Variants in NEGR1 observed in about 807,000 individuals in gnomAD.
NEGR1 encodes the protein IgLON family member 4.
A neutral mutation model predicts 40.9 loss-of-function variants in NEGR1; 10 were observed. That is an observed-to-expected ratio of 0.24 (90% CI 0.15 to 0.42). The LOEUF is 0.42. NEGR1 is among the 10% of genes least tolerant of loss of function. The pLI is 1.00. For synonymous variants in NEGR1, 185 were observed against 166.8 expected (o/e 1.11, Z -0.84); for missense variants, 352 against 438.9 (o/e 0.80, Z 1.77).
intron 4 of NEGR1, among the ~76,000 whole-genome samples, chr1:71,689,815 A>C (rs181517457): frequency 1.3e-5 from 2 of 151,112 alleles, no homozygotes; most frequent in Admixed American, 1.3e-4. Flanking sequence ...ATTTAATATA[A>C]TAAATATAAT....
chr1:71,962,003 G>T (rs1646169332), intron 1 of NEGR1, among the ~76,000 whole-genome samples: 1 of 152,114 alleles, frequency 6.6e-6, no homozygotes, highest in African/African-American at 2.4e-5. Context: ...AGTGGTATTT[G>T]TATTATTCTT....
chr1:72,093,341 A>AAAAAAAAAAAAAAAAG lies in NEGR1; in HGVS notation c.177-158031_177-158030insCTTTTTTTTTTTTTTT, dbSNP rs1179635064. On this transcript the variant is annotated intron_variant, in intron 1 of 6. Coordinates refer to ENST00000357731, the MANE Select transcript of NEGR1 (RefSeq NM_173808.3). ...CTAGACTCTGCCTCAAAAAAAAAAA[A>AAAAAAAAAAAAAAAAG]AAGATGCTCAAATGTTAGAATAAAC... Among the ~76,000 whole-genome samples, 271 of 151,432 alleles carry AAAAAAAAAAAAAAAAG rather than the reference A, an allele frequency of 1.8e-3. 1 individual carries two copies. The highest frequency in any genetic ancestry group is 6.4e-3 in the African/African-American group (262 of 40,912).
intron 6 of NEGR1, among the ~76,000 whole-genome samples, chr1:71,448,422 A>AAC: frequency 6.6e-6 from 1 of 152,082 alleles, no homozygotes; most frequent in Non-Finnish European, 1.5e-5. Flanking sequence ...AAGATGGCAA[A>AAC]ACCGCATCTC....
intron 2 of NEGR1, among the ~76,000 whole-genome samples, chr1:71,874,100 C>T (rs1469849044): frequency 6.6e-6 from 1 of 152,106 alleles, no homozygotes; most frequent in African/African-American, 2.4e-5. Context: ...AGGTTTGGTG[C>T]ATGCTGAACT....
intron 1 of NEGR1, among the ~76,000 whole-genome samples, chr1:72,013,746 G>T (rs1296657155): frequency 6.6e-6 from 1 of 151,366 alleles, no homozygotes; most frequent in Non-Finnish European, 1.5e-5. Context: ...ACTTTATTCT[G>T]GTTAGCTAGC....
At chr1:71,913,031 A>T (rs1293899155) in intron 2 of NEGR1, among the ~76,000 whole-genome samples, 1 of 152,142 alleles carries the variant, frequency 6.6e-6, no homozygotes, top group Non-Finnish European at 1.5e-5. Flanking sequence ...GTAGGTTCAA[A>T]GGTCCACAAT....
chr1:72,101,211 G>A (rs1357761212), intron 1 of NEGR1, among the ~76,000 whole-genome samples: 1 of 152,102 alleles, frequency 6.6e-6, no homozygotes, highest in African/African-American at 2.4e-5. Context: ...TTCAGTAGAA[G>A]TCATCTGTGT....
intron 4 of NEGR1, among the ~76,000 whole-genome samples, chr1:71,652,865 GAAA>G (rs1009288097): frequency 2.1e-5 from 3 of 143,910 alleles, no homozygotes; most frequent in African/African-American, 7.6e-5. Context: ...TCTCATCTCA[GAAA>G]AAAAAAAAAG....
At chr1:71,449,391 A>G (rs1646607661) in intron 6 of NEGR1, among the ~76,000 whole-genome samples, 1 of 152,216 alleles carries the variant, frequency 6.6e-6, no homozygotes, top group African/African-American at 2.4e-5. Context: ...ACAAAACTGC[A>G]TTTAGAGCTA....
At chr1:71,594,621 AG>A (rs1649628459) in intron 5 of NEGR1, among the ~76,000 whole-genome samples, 2 of 152,234 alleles carry the variant, frequency 1.3e-5, no homozygotes, top group African/African-American at 2.4e-5. Context: ...CTCTGACATA[AG>A]ATAATGGGGC....
chr1:72,088,235 T>A (rs1451782838), intron 1 of NEGR1, among the ~76,000 whole-genome samples: 1 of 152,106 alleles, frequency 6.6e-6, no homozygotes, highest in Non-Finnish European at 1.5e-5. Flanking sequence ...AGTAAGAACA[T>A]CACCTACAAC....
At chr1:72,106,785 T>TTTTAGACACAAAGA (rs1649149633) in intron 1 of NEGR1, among the ~76,000 whole-genome samples, 1 of 151,942 alleles carries the variant, frequency 6.6e-6, no homozygotes, top group Admixed American at 6.6e-5. Context: ...TGGATAAATC[T>TTTTAGACACAAAGA]TTTAGACACA....
intron 1 of NEGR1, among the ~76,000 whole-genome samples, chr1:72,055,829 T>A (rs972526635): frequency 2.7e-5 from 4 of 147,698 alleles, no homozygotes; most frequent in Admixed American, 2.0e-4. Context: ...ACAACTCATT[T>A]ATTTAGCTCT....
intron 1 of NEGR1, among the ~76,000 whole-genome samples, chr1:72,235,485 T>A (rs1654517895): frequency 1.3e-5 from 2 of 151,976 alleles, no homozygotes; most frequent in African/African-American, 4.8e-5. Context: ...CAAGGGGATA[T>A]GAAATTAAAT....
intron 1 of NEGR1, among the ~76,000 whole-genome samples, chr1:72,042,863 T>C (rs1440341595): frequency 6.6e-6 from 1 of 152,042 alleles, no homozygotes; most frequent in Non-Finnish European, 1.5e-5. Flanking sequence ...GGATCTAAAC[T>C]AGCTATAACC....
At chr1:71,881,503 A>C (rs1660583687) in intron 2 of NEGR1, among the ~76,000 whole-genome samples, 1 of 152,058 alleles carries the variant, frequency 6.6e-6, no homozygotes, top group East Asian at 1.9e-4. Context: ...ACATTTTCCT[A>C]ACTTATCTGT....
At chr1:71,780,264 T>C (rs1241991090) in intron 2 of NEGR1, among the ~76,000 whole-genome samples, 4 of 152,150 alleles carry the variant, frequency 2.6e-5, no homozygotes, top group Admixed American at 2.0e-4. Context: ...TTTTAAATTG[T>C]CATGTACTTT....
intron 5 of NEGR1, among the ~76,000 whole-genome samples, chr1:71,602,625 A>C (rs1422754267): frequency 6.6e-6 from 1 of 152,168 alleles, no homozygotes; most frequent in Admixed American, 6.5e-5. Flanking sequence ...AAAAAGCTAC[A>C]TTTGCCCTGA....
At chr1:71,836,480 G>A (rs4650125) in intron 2 of NEGR1, among the ~76,000 whole-genome samples, 1 of 144,532 alleles carries the variant, frequency 6.9e-6, no homozygotes, top group Non-Finnish European at 1.5e-5. Flanking sequence ...ATATATATGT[G>A]TATATATATA....
Sources: allele counts gnomAD v4.1 joint callset (sites outside exome capture counted in the v4.1 genomes callset), GRCh38; gene constraint gnomAD v4.1.1; transcripts MANE v1.5; gene names NCBI Gene and HGNC (gene_info 2026-07-23, HGNC 2026-07-21).